CHST8: variants seen among roughly 807,000 people sequenced by gnomAD.
The protein encoded by CHST8 is GALNAC-4-ST1.
A neutral mutation model predicts 15.0 loss-of-function variants in CHST8; 10 were observed. The ratio of observed to expected loss-of-function variants is 0.67; its 90% CI spans 0.41 to 1.13. The LOEUF is 1.13. Ranked by LOEUF, CHST8 falls within the 50% of genes most tolerant of loss-of-function variation. The pLI is 0.00. For missense variants in CHST8, 634 were observed against 608.2 expected, an observed-to-expected ratio of 1.04 and a Z score of -0.45; for synonymous variants, 259 against 256.6, an observed-to-expected ratio of 1.01 and a Z score of -0.09.
chr19:33,737,115 A>C (rs1974102449), intron 3 of CHST8, among the ~76,000 whole-genome samples: 1 of 152,240 alleles, frequency 6.6e-6, no homozygotes, highest in Non-Finnish European at 1.5e-5. Context: ...AGGAACTCCC[A>C]GCTCCTTTCC....
At chr19:33,718,209 T>C (rs1973700165) in intron 3 of CHST8, among the ~76,000 whole-genome samples, 1 of 149,720 alleles carries the variant, frequency 6.7e-6, no homozygotes, top group Non-Finnish European at 1.5e-5. Context: ...CACTGGATTG[T>C]CTTTTTTTCT....
At chr19:33,722,784 C>A (rs769975205) in intron 3 of CHST8, among the ~76,000 whole-genome samples, 1 of 152,190 alleles carries the variant, frequency 6.6e-6, no homozygotes, top group Non-Finnish European at 1.5e-5. Context: ...CAGTTCCCCA[C>A]CCACATCTCT....
At chr19:33,701,638 A>G (rs1973338335) in intron 3 of CHST8, among the ~76,000 whole-genome samples, 1 of 151,112 alleles carries the variant, frequency 6.6e-6, no homozygotes, top group Non-Finnish European at 1.5e-5. Context: ...GAAGTCATGG[A>G]CAAAAGTGGC....
Position 33,772,981 on chromosome 19 carries a change from T to C in CHST8, c.1193T>C (p.Leu398Pro), listed in dbSNP as rs746485583. ...AHQYFAQLSALQRQRTYDFYY... is the reference protein window; with the variant it reads ...AHQYFAQLSAPQRQRTYDFYY... ...CAGTACTTCGCCCAACTCTCGGCCC[T>C]GCAAAGGCAGCGCACCTACGACTTC... Residue 398 changes from leucine to proline, a missense_variant, in exon 5 of 5, where the codon CTG (leucine) becomes CCG (proline). Coordinates refer to ENST00000650847, the MANE Select transcript of CHST8 (RefSeq NM_001127895.2). The C allele has an allele frequency of 2.5e-5, 40 of 1,613,442 alleles. No individual in the cohort carries two copies. Among genetic ancestry groups the C allele is most frequent in the African/African-American group, 8.0e-5 (6 of 74,952 alleles).
chr19:33,755,099 C>T (rs1304653355), intron 3 of CHST8, among the ~76,000 whole-genome samples: 3 of 152,298 alleles, frequency 2.0e-5, no homozygotes, highest in Middle Eastern at 6.8e-3. Context: ...CATGCACCCC[C>T]CAGGGGCTCA....
chr19:33,730,440 G>A (rs1599595460), intron 3 of CHST8, among the ~76,000 whole-genome samples: 1 of 152,202 alleles, frequency 6.6e-6, no homozygotes, highest in Non-Finnish European at 1.5e-5. Context: ...CAGGGACCAC[G>A]CTAAGCTCAT....
At chr19:33,666,539 C>G (rs114274701) in intron 1 of CHST8, among the ~76,000 whole-genome samples, 2,128 of 152,128 alleles carry the variant, frequency 0.014, 38 homozygotes, top group African/African-American at 0.047. Context: ...GGCAGGTGGC[C>G]GATGGAGCCC....
At chr19:33,626,523 T>C (rs548267870) in intron 1 of CHST8, among the ~76,000 whole-genome samples, 1 of 152,342 alleles carries the variant, frequency 6.6e-6, no homozygotes, top group Admixed American at 6.5e-5. Context: ...AGGTAGGTCA[T>C]GGGGGTGGCC....
intron 1 of CHST8, among the ~76,000 whole-genome samples, chr19:33,624,326 G>A (rs985795490): frequency 2.0e-5 from 3 of 152,314 alleles, no homozygotes; most frequent in South Asian, 2.1e-4. Flanking sequence ...GAGCAGGCTC[G>A]TCTGACCTCC....
intron 3 of CHST8, among the ~76,000 whole-genome samples, chr19:33,747,757 T>C (rs575051644): frequency 3.3e-5 from 5 of 152,302 alleles, no homozygotes; most frequent in Admixed American, 6.5e-5. Context: ...GTCTTTATAG[T>C]GTTATATATT....
intron 3 of CHST8, among the ~76,000 whole-genome samples, chr19:33,755,903 C>A (rs192496138): frequency 3.9e-5 from 6 of 152,174 alleles, no homozygotes; most frequent in African/African-American, 1.4e-4. Flanking sequence ...ATTGCAGGGC[C>A]TTTGGTGGAG....
intron 2 of CHST8, among the ~76,000 whole-genome samples, chr19:33,686,921 G>A (rs563004995): frequency 2.0e-5 from 3 of 152,236 alleles, no homozygotes; most frequent in East Asian, 3.9e-4. Flanking sequence ...TGTGAACACC[G>A]TCCCCATGAC....
At chr19:33,659,758 C>A (rs1427099217) in intron 1 of CHST8, among the ~76,000 whole-genome samples, 2 of 152,056 alleles carry the variant, frequency 1.3e-5, no homozygotes, top group Non-Finnish European at 2.9e-5. Context: ...CTGCAGTGAG[C>A]TGTGATCGCA....
chr19:33,763,713 A>G (rs1974780017), intron 3 of CHST8, among the ~76,000 whole-genome samples: 1 of 152,236 alleles, frequency 6.6e-6, no homozygotes. Context: ...TCATTGCTGC[A>G]TGTGTTGAAA....
chr19:33,677,526 G>A (rs1972825801), intron 2 of CHST8, among the ~76,000 whole-genome samples: 1 of 152,168 alleles, frequency 6.6e-6, no homozygotes, highest in Admixed American at 6.5e-5. Context: ...AGAGGACTGG[G>A]ACCCAGCAGC....
intron 1 of CHST8, among the ~76,000 whole-genome samples, chr19:33,645,343 A>G (rs141238485): frequency 9.9e-4 from 151 of 152,294 alleles, no homozygotes; most frequent in African/African-American, 3.4e-3. Flanking sequence ...TGAACAGAGA[A>G]GTGCAATGAT....
rs552519681 is a variant in CHST8, at chr19:33,622,286, C to A, written c.-174C>A. 6.6e-6 allele frequency: 1 copy of A among 152,190 alleles called. No individual in the cohort carries two copies. The highest frequency in any genetic ancestry group is 2.4e-5 in the African/African-American group (1 of 41,434). The allele number at this position is 152,190 out of a possible 1,614,324, so 9.4% of individuals were successfully genotyped here. Reference sequence around the variant, plus strand: ...AGGCGCCCGCGGCCTCGGGTGCGTCCGCTGCGCCAGGTAAGTGGCTGCGCC... The same window carrying A: ...AGGCGCCCGCGGCCTCGGGTGCGTCAGCTGCGCCAGGTAAGTGGCTGCGCC... On this transcript the variant is annotated 5_prime_UTR_variant, in exon 1 of 5. Transcript: ENST00000650847.
intron 1 of CHST8, among the ~76,000 whole-genome samples, chr19:33,641,067 A>G (rs1355615557): frequency 6.6e-6 from 1 of 152,130 alleles, no homozygotes; most frequent in Non-Finnish European, 1.5e-5. Flanking sequence ...CAGAGCACCT[A>G]TGGGATGGGC....
chr19:33,630,419 G>C (rs1205261648), intron 1 of CHST8, among the ~76,000 whole-genome samples: 3 of 152,214 alleles, frequency 2.0e-5, no homozygotes, highest in East Asian at 3.9e-4. Context: ...GTCTACACTG[G>C]CTGGGCCAGT....
Sources: gnomAD v4.1 joint callset for allele counts (sites outside exome capture counted in the v4.1 genomes callset) on GRCh38, gnomAD v4.1.1 for gene constraint, MANE v1.5 for transcripts, NCBI Gene and HGNC (gene_info 2026-07-23, HGNC 2026-07-21) for gene names.